Variants in TMEM17 observed in about 807,000 individuals in gnomAD.
TMEM17 encodes transmembrane protein 17.
TMEM17 carries 15 observed loss-of-function variants against 19.1 expected under a neutral mutation model. That is an observed-to-expected ratio of 0.78 (90% CI 0.52 to 1.21). TMEM17 has a LOEUF of 1.21. Among genes scored for constraint, TMEM17 ranks in the 50% most tolerant of loss-of-function variants. TMEM17 has a pLI of 0.00. For synonymous variants in TMEM17, 103 were observed against 86.9 expected (o/e 1.19, Z -1.03); for missense variants, 245 against 242.3 (o/e 1.01, Z -0.07).
chr2:62,482,564 C>T, the TMEM17 span, among the ~76,000 whole-genome samples: 2 of 152,300 alleles, frequency 1.3e-5, no homozygotes, highest in Admixed American at 1.3e-4. Flanking sequence ...CTTGGTCAGT[C>T]AGAACATCTT....
At chr2:62,505,506 A>G (rs1168995339) in intron 1 of TMEM17, among the ~76,000 whole-genome samples, 2 of 139,316 alleles carry the variant, frequency 1.4e-5, no homozygotes, top group Non-Finnish European at 3.0e-5. Context: ...GGCCTTGCTT[A>G]GGAACATACT....
At chr2:62,483,539 C>T in the TMEM17 span, among the ~76,000 whole-genome samples, 1 of 152,082 alleles carries the variant, frequency 6.6e-6, no homozygotes. Context: ...AGTCAGTCCC[C>T]CAAATCCTAA....
chr2:62,478,766 AAAAATT>A, the TMEM17 span, among the ~76,000 whole-genome samples: 5 of 152,204 alleles, frequency 3.3e-5, no homozygotes, highest in African/African-American at 1.2e-4. Flanking sequence ...ATTTAAAAAA[AAAAATT>A]AAAAGATAAG....
chr2:62,506,112 C>T lies in TMEM17; in HGVS notation c.18G>A (p.Pro6=), dbSNP rs896275951. 3 of 1,610,782 alleles carry T rather than the reference C, an allele frequency of 1.9e-6. No homozygotes were observed. Among genetic ancestry groups the T allele is most frequent in the African/African-American group, 2.7e-5 (2 of 74,552 alleles). MELPD[P]VRQRLGNFSR... Reference sequence around the variant, plus strand: ...TGAAGTTTCCCAGCCGCTGGCGCACCGGATCCGGCAGCTCCATGCCTGGGC... The same window carrying T: ...TGAAGTTTCCCAGCCGCTGGCGCACTGGATCCGGCAGCTCCATGCCTGGGC... Residue 6 remains proline (P), a synonymous_variant, in exon 1 of 4, where the codon CCG becomes CCA. Transcript: ENST00000335390.
chr2:62,468,575 G>A, the TMEM17 span, among the ~76,000 whole-genome samples: 1 of 152,230 alleles, frequency 6.6e-6, no homozygotes, highest in African/African-American at 2.4e-5. Context: ...GTGGGTGCAT[G>A]TGGGTGTTGG....
At chr2:62,483,757 G>A in the TMEM17 span, among the ~76,000 whole-genome samples, 9,451 of 151,852 alleles carry the variant, frequency 0.062, 419 homozygotes, top group Middle Eastern at 0.088. Flanking sequence ...GTGCCACCGC[G>A]CCCGGCTAAT....
the TMEM17 span, among the ~76,000 whole-genome samples, chr2:62,486,180 C>CT: frequency 6.6e-6 from 1 of 152,062 alleles, no homozygotes; most frequent in Non-Finnish European, 1.5e-5. Flanking sequence ...GGCTGGGGTG[C>CT]TGGGTGCCTG....
At chr2:62,456,966 C>A in the TMEM17 span, among the ~76,000 whole-genome samples, 1 of 152,254 alleles carries the variant, frequency 6.6e-6, no homozygotes, top group Non-Finnish European at 1.5e-5. Context: ...CTCCCAGCTC[C>A]CCTCCAGGCT....
intron 1 of TMEM17, 118 bp downstream of exon 1, chr2:62,505,912 C>T: frequency 2.9e-6 from 3 of 1,024,416 alleles, no homozygotes; most frequent in East Asian, 2.9e-5. Flanking sequence ...TCCCGCACTG[C>T]GGAGAACTGG....
chr2:62,505,932 A>C (rs1302614531), intron 1 of TMEM17, 98 bp downstream of exon 1: 2 of 1,145,208 alleles, frequency 1.7e-6, no homozygotes, highest in African/African-American at 1.6e-5. Flanking sequence ...GCTGAAGGCG[A>C]CATCGCCATT....
chr2:62,474,855 C>G, the TMEM17 span, among the ~76,000 whole-genome samples: 1 of 152,112 alleles, frequency 6.6e-6, no homozygotes, highest in African/African-American at 2.4e-5. Context: ...TCTATCCCAC[C>G]CCTGCAAATA....
the TMEM17 span, among the ~76,000 whole-genome samples, chr2:62,475,717 T>C: frequency 2.6e-5 from 4 of 152,230 alleles, no homozygotes; most frequent in Non-Finnish European, 4.4e-5. Flanking sequence ...GCCACTTGAA[T>C]GCCAGTGTCG....
chr2:62,471,726 G>A, the TMEM17 span, among the ~76,000 whole-genome samples: 1 of 152,230 alleles, frequency 6.6e-6, no homozygotes, highest in Non-Finnish European at 1.5e-5. Flanking sequence ...AGAAGGGAGG[G>A]CCTTTTGGGC....
intron 1 of TMEM17, 118 bp downstream of exon 1, chr2:62,505,912 C>A (rs1209738729): frequency 2.9e-6 from 3 of 1,024,300 alleles, no homozygotes; most frequent in Middle Eastern, 2.0e-4. Flanking sequence ...TCCCGCACTG[C>A]GGAGAACTGG....
At chr2:62,501,770 TGAAA>T (rs1168711181) in intron 3 of TMEM17, 3 of 285,130 alleles carry the variant, frequency 1.1e-5, no homozygotes, top group Non-Finnish European at 6.5e-6. Context: ...TTAGGGTAGG[TGAAA>T]GAAAGACCTC....
At chr2:62,468,197 A>G in the TMEM17 span, among the ~76,000 whole-genome samples, 1 of 152,198 alleles carries the variant, frequency 6.6e-6, no homozygotes, top group African/African-American at 2.4e-5. Flanking sequence ...GTGACTCTAC[A>G]GAGGCAGCCA....
the TMEM17 span, among the ~76,000 whole-genome samples, chr2:62,456,032 T>C: frequency 1.4e-4 from 21 of 152,340 alleles, no homozygotes; most frequent in East Asian, 3.9e-3. Flanking sequence ...GGCTGTTCCT[T>C]TTTAAAATCC....
At chr2:62,488,907 A>G in the TMEM17 span, among the ~76,000 whole-genome samples, 1 of 150,974 alleles carries the variant, frequency 6.6e-6, no homozygotes, top group East Asian at 1.9e-4. Context: ...ACACAGGAAC[A>G]CCCTATTGGG....
At chr2:62,485,053 C>G in the TMEM17 span, among the ~76,000 whole-genome samples, 4 of 152,310 alleles carry the variant, frequency 2.6e-5, no homozygotes, top group South Asian at 8.3e-4. Flanking sequence ...TCCTCCCACC[C>G]TAGCCTCCTG....
Sources: allele counts gnomAD v4.1 joint callset (sites outside exome capture counted in the v4.1 genomes callset), GRCh38; gene constraint gnomAD v4.1.1; transcripts MANE v1.5; gene names NCBI Gene and HGNC (gene_info 2026-07-23, HGNC 2026-07-21).